Variants in RASGRP3 observed in about 807,000 individuals in gnomAD.
RASGRP3 encodes RAS guanyl releasing protein 3, also known as ras guanyl-releasing protein 3.
In RASGRP3, 54 loss-of-function variants were observed where a neutral mutation model predicts 82.7. The observed-to-expected ratio is 0.65, with a 90% CI of 0.52 to 0.82. The LOEUF is 0.82. RASGRP3 is among the 40% of genes least tolerant of loss of function. The pLI is 0.00. For missense variants in RASGRP3, 861 were observed against 828.9 expected (o/e 1.04, Z -0.48); for synonymous variants, 309 against 300.5 (o/e 1.03, Z -0.29).
chr2:33,534,477 C>A, intron 11 of RASGRP3, 77 bp downstream of exon 11: 1 of 926,982 alleles, frequency 1.1e-6, no homozygotes, highest in Non-Finnish European at 1.7e-6. Flanking sequence ...TATTACAATG[C>A]TGCTTTATGT....
Position 33,521,994 on chromosome 2 carries a change from A to T in RASGRP3, c.408A>T (p.Lys136Asn). Residue 136 changes from lysine (K) to asparagine (N), a missense_variant, in exon 7 of 18, where the codon AAA (lysine) becomes AAT (asparagine). Coordinates refer to ENST00000403687, the MANE Select transcript of RASGRP3 (RefSeq NM_001139488.2). ...GGATGAGAAGAGTCACACAGAGGAA[A>T]AAAGTATCCAAGAAGGGAAAAGCCT... The part of the protein sequence containing the change: ...YDWMRRVTQR[K>N]KVSKKGKACL... The T allele has an allele frequency of 6.2e-7, 1 of 1,613,926 alleles. No individual in the cohort carries two copies. The highest frequency in any genetic ancestry group is 1.6e-4 in the Middle Eastern group (1 of 6,062).
At chr2:33,460,646 C>G (rs747502172) in intron 2 of RASGRP3, among the ~76,000 whole-genome samples, 1 of 151,866 alleles carries the variant, frequency 6.6e-6, no homozygotes, top group Non-Finnish European at 1.5e-5. Flanking sequence ...TCCTGAGTAG[C>G]TGGGACTACA....
intron 14 of RASGRP3, among the ~76,000 whole-genome samples, chr2:33,552,313 C>G (rs1224129058): frequency 1.3e-5 from 2 of 152,160 alleles, no homozygotes; most frequent in Non-Finnish European, 2.9e-5. Flanking sequence ...CTATTTCTAT[C>G]TGTAAAAGGG....
chr2:33,558,649 T>C (rs1403094573), intron 16 of RASGRP3, 23 bp from the exon 17 acceptor site: 1 of 1,556,996 alleles, frequency 6.4e-7, no homozygotes, highest in Non-Finnish European at 8.7e-7. Flanking sequence ...TGTCAAATAA[T>C]CACCACCCTT....
intron 6 of RASGRP3, 84 bp from the exon 7 acceptor site, chr2:33,521,871 G>C: frequency 2.0e-6 from 3 of 1,490,558 alleles, no homozygotes; most frequent in Non-Finnish European, 2.7e-6. Flanking sequence ...AGCAAGCCAA[G>C]AGTTGCAGAG....
rs559847817 is a variant in RASGRP3, at chr2:33,559,005, G to A, written c.2039G>A (p.Gly680Glu). The part of the protein sequence containing the change: ...GTEFELDQDE[G>E]EETRQDGEDG ...GAGTTTGAACTTGACCAGGATGAAG[G>A]AGAAGAGACCAGACAGGATGGTGAG... Residue 680 changes from glycine to glutamate, a missense_variant, in exon 17 of 18, where the codon GGA becomes GAA. Physicochemically the swap from Gly to Glu is moderately conservative, Grantham distance 98 (BLOSUM62 -2). Coordinates refer to ENST00000403687, the MANE Select transcript of RASGRP3 (RefSeq NM_001139488.2). The A allele has an allele frequency of 2.6e-5, 42 of 1,612,180 alleles. No individual in the cohort carries two copies. The highest frequency in any genetic ancestry group is 6.7e-5 in the Admixed American group (4 of 59,758).
At chr2:33,562,396 T>C (rs1384569734) in intron 17 of RASGRP3, among the ~76,000 whole-genome samples, 1 of 151,702 alleles carries the variant, frequency 6.6e-6, no homozygotes, top group East Asian at 1.9e-4. Context: ...GCCTCCCAAG[T>C]AGCTGGGACT....
At position 33,522,110 on chromosome 2, in the gene RASGRP3, A is replaced by G. The variant is rs1419080423; in HGVS notation, c.516+8A>G. The G allele has an allele frequency of 1.3e-6, 2 of 1,596,752 alleles. No homozygotes were observed. Among genetic ancestry groups the G allele is most frequent in the East Asian group, 2.2e-5 (1 of 44,786 alleles). On this transcript the variant is annotated splice_region_variant and intron_variant, in intron 7 of 17. Transcript: ENST00000403687. ...TCTTTTAGAAGGATCTCAGTAAGAA[A>G]CTTGACATTTATTCTTCCAAGGATA...
At chr2:33,501,124 G>A (rs983534119) in intron 1 of RASGRP3, among the ~76,000 whole-genome samples, 18 of 152,028 alleles carry the variant, frequency 1.2e-4, no homozygotes, top group East Asian at 1.9e-4. Flanking sequence ...CCTTTCTGTC[G>A]CTATAGATTT....
At chr2:33,459,907 T>A (rs1435933561) in intron 2 of RASGRP3, among the ~76,000 whole-genome samples, 3 of 152,172 alleles carry the variant, frequency 2.0e-5, no homozygotes, top group African/African-American at 7.2e-5. Flanking sequence ...TAGAATTTGT[T>A]CAAGCCTCTA....
At chr2:33,443,052 A>G (rs1334673152) in intron 1 of RASGRP3, among the ~76,000 whole-genome samples, 1 of 152,206 alleles carries the variant, frequency 6.6e-6, no homozygotes, top group Non-Finnish European at 1.5e-5. Flanking sequence ...CCCTGTGCAC[A>G]TAGCTAGTAA....
intron 15 of RASGRP3, among the ~76,000 whole-genome samples, chr2:33,557,709 C>CG (rs1241168702): frequency 1.5e-5 from 2 of 135,706 alleles, no homozygotes; most frequent in Non-Finnish European, 1.6e-5. Flanking sequence ...GACTCCATCT[C>CG]GAAAAAAAAA....
In RASGRP3 at chr2:33,555,286, T is replaced by C. The variant is rs142018028; in HGVS notation, c.1543-245T>C. ...CAAAGTCTGGTGCATCAAACTTTAG[T>C]AGTTTCCCATCCCGGCTCCCAGTTG... On this transcript the variant is annotated intron_variant, in intron 14 of 17. Coordinates refer to ENST00000403687, the MANE Select transcript of RASGRP3 (RefSeq NM_001139488.2). 1.3e-3 allele frequency: 484 copies of C among 358,854 alleles called. 4 individuals are homozygous for C. Among genetic ancestry groups the C allele is most frequent in the African/African-American group, 9.3e-3 (439 of 47,378 alleles). 22.2% of individuals were successfully genotyped at this position (358,854 alleles called of 1,614,324 possible). A position where few individuals can be genotyped will look rare whatever the true frequency, so the allele number is the denominator to read the frequency against.
chr2:33,477,543 A>T (rs146245044), intron 1 of RASGRP3, among the ~76,000 whole-genome samples: 152 of 152,302 alleles, frequency 1.0e-3, no homozygotes, highest in African/African-American at 3.5e-3. Context: ...TAACTCTGGG[A>T]GGCCTGGCAT....
At chr2:33,537,330 C>CCAACA (rs1553359127) in intron 11 of RASGRP3, among the ~76,000 whole-genome samples, 17 of 95,712 alleles carry the variant, frequency 1.8e-4, no homozygotes, top group African/African-American at 7.3e-4. Flanking sequence ...ACCGCCCCCC[C>CCAACA]CACACACACA....
At position 33,543,112 on chromosome 2, in the gene RASGRP3, G is replaced by A. The variant is rs554056448; in HGVS notation, c.1279-400G>A. On this transcript the variant is annotated intron_variant, in intron 12 of 17. Transcript: ENST00000403687. ...CATTGTAACCTCAAACTCCTGGGCTGAGCAAGTCTCCTGCCTCAGCCTCAC... is the reference window on the plus strand; with the variant it reads ...CATTGTAACCTCAAACTCCTGGGCTAAGCAAGTCTCCTGCCTCAGCCTCAC... Among the ~76,000 whole-genome samples, 99 of 152,200 alleles carry A rather than the reference G, an allele frequency of 6.5e-4. No individual in the cohort carries two copies. The South Asian group carries it at 9.6e-3, about 15-fold the overall frequency.
intron 1 of RASGRP3, chr2:33,482,972 G>A (rs1416027012): frequency 6.6e-6 from 1 of 151,660 alleles, no homozygotes; most frequent in Non-Finnish European, 1.5e-5. Context: ...TTTTTCTTTA[G>A]TGATTACTGT....
At chr2:33,506,002 A>G (rs755111076) in intron 1 of RASGRP3, among the ~76,000 whole-genome samples, 1 of 152,244 alleles carries the variant, frequency 6.6e-6, no homozygotes, top group Admixed American at 6.5e-5. Flanking sequence ...TTGGTTGCCA[A>G]TATTCAATAC....
intron 9 of RASGRP3, among the ~76,000 whole-genome samples, chr2:33,524,880 C>T (rs981971756): frequency 6.6e-6 from 1 of 151,776 alleles, no homozygotes; most frequent in Non-Finnish European, 1.5e-5. Context: ...GAGATCTATA[C>T]CATCCTGGCT....
Sources: gnomAD v4.1 joint callset for allele counts (sites outside exome capture counted in the v4.1 genomes callset) on GRCh38, gnomAD v4.1.1 for gene constraint, MANE v1.5 for transcripts, NCBI Gene and HGNC (gene_info 2026-07-23, HGNC 2026-07-21) for gene names.